Variants in WASF2 observed in about 807,000 individuals in gnomAD.
The protein encoded by WASF2 is actin-binding protein WASF2.
A neutral mutation model predicts 45.0 loss-of-function variants in WASF2; 14 were observed. The ratio of observed to expected loss-of-function variants is 0.31; its 90% CI spans 0.21 to 0.49. The LOEUF (loss-of-function observed/expected upper bound fraction) is 0.49, where lower values mean the gene tolerates loss of function less well. Among genes scored for constraint, WASF2 ranks in the 20% least tolerant of loss-of-function variants. The pLI is 0.99. For synonymous variants in WASF2, 200 were observed against 236.3 expected, an observed-to-expected ratio of 0.85 and a Z score of 1.41; for missense variants, 439 against 636.1, an observed-to-expected ratio of 0.69 and a Z score of 3.33.
intron 1 of WASF2, among the ~76,000 whole-genome samples, chr1:27,441,753 CAAAAAAAAA>C (rs35347075): frequency 3.9e-5 from 2 of 51,718 alleles, no homozygotes; most frequent in Admixed American, 2.8e-4. Flanking sequence ...GACTCCGTCT[CAAAAAAAAA>C]AAAAAAAAAA....
chr1:27,456,330 A>C lies in WASF2; in HGVS notation c.-43-27397T>G, dbSNP rs867474775. On this transcript the variant is annotated intron_variant, in intron 1 of 8. Transcript: ENST00000618852. ...GAGCGAGACTCTAAAAAAAAAAAAA[A>C]AAAAAAAACAACAATGGAAAGGTTC... Among the ~76,000 whole-genome samples, 350 of 151,744 alleles carry C rather than the reference A, an allele frequency of 2.3e-3. 3 individuals are homozygous for C. The highest frequency in any genetic ancestry group is 8.1e-3 in the African/African-American group (337 of 41,382).
At chr1:27,482,571 T>C (rs981343117) in intron 1 of WASF2, among the ~76,000 whole-genome samples, 1 of 152,226 alleles carries the variant, frequency 6.6e-6, no homozygotes, top group Non-Finnish European at 1.5e-5. Context: ...AGTTCTTTAC[T>C]CTATGTAATC....
At position 27,416,234 on chromosome 1, in the gene WASF2, C is replaced by A; in HGVS notation, c.420-132G>T. On this transcript the variant is annotated intron_variant, in intron 4 of 8. Transcript: ENST00000618852. ...AGAAGTCATTTGAATCGATTGCATA[C>A]CTCCTCTCCCATACCAGCATTTCAA... 9 of 728,776 alleles carry A rather than the reference C, an allele frequency of 1.2e-5. No individual in the cohort carries two copies. The South Asian group carries it at 1.5e-4, about 12-fold the overall frequency. The allele number at this position is 728,776 out of a possible 1,614,324, so 45.1% of individuals were successfully genotyped here.
intron 1 of WASF2, among the ~76,000 whole-genome samples, chr1:27,463,605 A>G (rs1428310854): frequency 7.1e-6 from 1 of 141,834 alleles, no homozygotes; most frequent in Non-Finnish European, 1.5e-5. Flanking sequence ...CCTGGGCGAC[A>G]GAGTGAGACT....
intron 1 of WASF2, among the ~76,000 whole-genome samples, chr1:27,463,050 C>T (rs1351172331): frequency 6.6e-6 from 1 of 152,190 alleles, no homozygotes; most frequent in Admixed American, 6.6e-5. Flanking sequence ...GAACTCCTGA[C>T]CTCAAGTGAT....
At chr1:27,452,892 T>C (rs1013824178) in intron 1 of WASF2, among the ~76,000 whole-genome samples, 4 of 151,432 alleles carry the variant, frequency 2.6e-5, no homozygotes, top group Non-Finnish European at 4.4e-5. Flanking sequence ...ATAGCAAATG[T>C]CAGTGTATCT....
intron 1 of WASF2, among the ~76,000 whole-genome samples, chr1:27,440,601 G>C (rs2017210694): frequency 6.6e-6 from 1 of 151,756 alleles, no homozygotes; most frequent in South Asian, 2.1e-4. Context: ...TTATTTTAGA[G>C]ACAAGGTCTC....
chr1:27,413,856 C>T (rs1303476296), intron 6 of WASF2, among the ~76,000 whole-genome samples: 4 of 152,126 alleles, frequency 2.6e-5, no homozygotes, highest in African/African-American at 4.8e-5. Context: ...ATGAAGGTAC[C>T]CTCAGGGCTG....
rs781551507 is a variant in WASF2, at chr1:27,410,017, A to G, written c.1014T>C (p.Pro338=). The G allele has an allele frequency of 8.7e-6, 14 of 1,613,438 alleles. No homozygotes were observed. In the South Asian group the frequency reaches 9.9e-5, roughly 11 times the overall value. Residue 338 remains proline (P), a synonymous_variant, in exon 8 of 9, where the codon CCT becomes CCC. Coordinates refer to ENST00000618852, the MANE Select transcript of WASF2 (RefSeq NM_006990.5). This position sits in a 1 kb window ranked among gnomAD's most constrained non-coding sequence, Gnocchi z 4.2. ...GCGTCCCTGGAGACCCAAATCCTAC[A>G]GGCGGTGGTGGAGGTGGGATGCCTA... ...PMIGIPPPPP[P]VGFGSPGTPP...
intron 1 of WASF2, among the ~76,000 whole-genome samples, chr1:27,441,924 CAAA>C (rs1223064988): frequency 7.5e-5 from 5 of 66,368 alleles, no homozygotes; most frequent in Admixed American, 1.7e-4. Flanking sequence ...GACTCCATCT[CAAA>C]AAAAAAAAAA....
intron 1 of WASF2, among the ~76,000 whole-genome samples, chr1:27,477,163 G>A (rs931789235): frequency 1.2e-4 from 19 of 152,306 alleles, no homozygotes; most frequent in African/African-American, 4.3e-4. Context: ...CACAAAAAAG[G>A]TAAAATAGAG....
chr1:27,425,803 C>T (rs990453982), intron 2 of WASF2, among the ~76,000 whole-genome samples: 2 of 145,704 alleles, frequency 1.4e-5, no homozygotes, highest in Non-Finnish European at 3.0e-5. Context: ...GGCGCCACTG[C>T]ACTCCAGCCT....
chr1:27,425,838 C>CA (rs57916899), intron 2 of WASF2, among the ~76,000 whole-genome samples: 577 of 50,500 alleles, frequency 0.011, 49 homozygotes, highest in African/African-American at 0.03. Context: ...GACTCCGTCT[C>CA]AAAAAAAAAA....
At chr1:27,408,424 T>C in intron 8 of WASF2, 78 bp from the exon 9 acceptor site, 3 of 1,562,168 alleles carry the variant, frequency 1.9e-6, no homozygotes, top group Non-Finnish European at 2.6e-6. Context: ...TAAGAGGGAG[T>C]GGCCACCAAT....
rs188925947 is a variant in WASF2, at chr1:27,441,482, G to A, written c.-43-12549C>T. Among the ~76,000 whole-genome samples the A allele has an allele frequency of 2.0e-4, 30 of 152,012 alleles. No individual in the cohort carries two copies. In the East Asian group the frequency reaches 4.1e-3, roughly 21 times the overall value. On this transcript the variant is annotated intron_variant, in intron 1 of 8. Coordinates refer to ENST00000618852, the MANE Select transcript of WASF2 (RefSeq NM_006990.5). ...GTCTCTACTAAAAATGGCCGGGCGCGGTGGCTCACGCCTGTAATCCCAGCA... is the reference window on the plus strand; with the variant it reads ...GTCTCTACTAAAAATGGCCGGGCGCAGTGGCTCACGCCTGTAATCCCAGCA...
At chr1:27,425,795 C>A (rs539101845) in intron 2 of WASF2, among the ~76,000 whole-genome samples, 133 of 148,232 alleles carry the variant, frequency 9.0e-4, no homozygotes, top group African/African-American at 3.2e-3. Context: ...GCCGAGGTGG[C>A]GCCACTGCAC....
intron 1 of WASF2, among the ~76,000 whole-genome samples, chr1:27,472,675 G>A (rs12078256): frequency 0.24 from 21,993 of 92,664 alleles, 2,906 homozygotes; most frequent in African/African-American, 0.47. Context: ...AAAAAAAAAA[G>A]GGGAAATCAG....
intron 1 of WASF2, among the ~76,000 whole-genome samples, chr1:27,454,177 ATATATATATATTT>A (rs1167994597): frequency 1.4e-3 from 28 of 19,926 alleles, no homozygotes; most frequent in Admixed American, 4.9e-3. Context: ...ATATATATAT[ATATATATATATTT>A]TTTTTTTTTT....
chr1:27,441,753 C>CAA (rs35347075), intron 1 of WASF2, among the ~76,000 whole-genome samples: 3,049 of 50,994 alleles, frequency 0.06, 312 homozygotes, highest in African/African-American at 0.21. Flanking sequence ...GACTCCGTCT[C>CAA]AAAAAAAAAA....
Sources: gnomAD v4.1 joint callset for allele counts (sites outside exome capture counted in the v4.1 genomes callset) on GRCh38, gnomAD v4.1.1 for gene constraint, Gnocchi (gnomAD v3.1) non-coding constraint, MANE v1.5 for transcripts, NCBI Gene and HGNC (gene_info 2026-07-23, HGNC 2026-07-21) for gene names.